Variants in TBX5 observed in about 807,000 individuals in gnomAD.
TBX5 encodes the protein T-box transcription factor 5.
Under a neutral mutation model 51.1 loss-of-function variants are expected in TBX5, and 8 were observed. The ratio of observed to expected loss-of-function variants is 0.16; its 90% confidence interval spans 0.09 to 0.28. The LOEUF (loss-of-function observed/expected upper bound fraction) is 0.28. Ranked by LOEUF, TBX5 falls within the 10% of genes least tolerant of loss-of-function variation. TBX5 has a pLI of 1.00. For missense variants in TBX5, 589 were observed against 671.7 expected (o/e 0.88, Z 1.36); for synonymous variants, 302 against 266.4 (o/e 1.13, Z -1.30).
intron 7 of TBX5, among the ~76,000 whole-genome samples, chr12:114,370,697 C>T (rs1263422360): frequency 6.6e-6 from 1 of 151,842 alleles, no homozygotes; most frequent in Non-Finnish European, 1.5e-5. Context: ...TATATGGCCA[C>T]CATCCTGTGA....
chr12:114,356,636 A>G (rs1868935071), intron 8 of TBX5, among the ~76,000 whole-genome samples: 1 of 152,276 alleles, frequency 6.6e-6, no homozygotes, highest in Admixed American at 6.5e-5. Flanking sequence ...AAAGCAGGAC[A>G]TTTTCTGCCT....
Position 114,355,137 on chromosome 12 carries a change from C to A in TBX5, c.*395G>T. 3.2e-6 allele frequency: 1 copy of A among 317,116 alleles called. No homozygotes were observed. The highest frequency in any genetic ancestry group is 6.2e-6 in the Non-Finnish European group (1 of 160,856). The allele number at this position is 317,116 out of a possible 1,614,324, so 19.6% of individuals were successfully genotyped here. On this transcript the variant is annotated 3_prime_UTR_variant, in exon 9 of 9. Coordinates refer to ENST00000405440, the MANE Select transcript of TBX5 (RefSeq NM_181486.4). Reference sequence around the variant, plus strand: ...TTATATAACAATGTCAACATTAACACCAAGACAGGGACAGACTCCAACTAC... The same window carrying A: ...TTATATAACAATGTCAACATTAACAACAAGACAGGGACAGACTCCAACTAC...
intron 6 of TBX5, among the ~76,000 whole-genome samples, chr12:114,390,726 A>T (rs539757074): frequency 6.6e-6 from 1 of 152,334 alleles, no homozygotes; most frequent in African/African-American, 2.4e-5. Flanking sequence ...GGGGATAGAC[A>T]TTGCTTGCAT....
intron 8 of TBX5, among the ~76,000 whole-genome samples, chr12:114,364,208 A>C (rs1565926787): frequency 6.6e-6 from 1 of 152,232 alleles, no homozygotes; most frequent in Non-Finnish European, 1.5e-5. Context: ...CAAAGCATCC[A>C]TTCCCATTGG....
intron 7 of TBX5, among the ~76,000 whole-genome samples, chr12:114,377,472 C>T (rs915239245): frequency 2.0e-5 from 3 of 152,072 alleles, no homozygotes; most frequent in Non-Finnish European, 4.4e-5. Context: ...CTCACTGCTG[C>T]CTCAAACTCC....
At position 114,403,954 on chromosome 12, in the gene TBX5, G is replaced by T; in HGVS notation, c.-38-18C>A. 1.3e-6 allele frequency: 2 copies of T among 1,592,132 alleles called. No homozygotes were observed. The highest frequency in any genetic ancestry group is 1.3e-5 in the African/African-American group (1 of 74,944). On this transcript the variant is annotated intron_variant, in intron 1 of 8. Coordinates refer to ENST00000405440, the MANE Select transcript of TBX5 (RefSeq NM_181486.4). ...GTTCTGCTCTGAGGACAAGAAGCAGGGGGAGATGGGGGTGGGGAGGACAGA... is the reference window on the plus strand; with the variant it reads ...GTTCTGCTCTGAGGACAAGAAGCAGTGGGAGATGGGGGTGGGGAGGACAGA...
chr12:114,402,975 G>A (rs1871921888), intron 2 of TBX5, among the ~76,000 whole-genome samples: 1 of 152,142 alleles, frequency 6.6e-6, no homozygotes, highest in South Asian at 2.1e-4. Context: ...ATGTGTAAGT[G>A]TCTCTTCTGG....
intron 1 of TBX5, among the ~76,000 whole-genome samples, chr12:114,404,565 C>T (rs1323287979): frequency 6.6e-6 from 1 of 152,132 alleles, no homozygotes; most frequent in Non-Finnish European, 1.5e-5. Context: ...CAGGCCTTAA[C>T]ATTAAAAGTC....
intron 8 of TBX5, among the ~76,000 whole-genome samples, chr12:114,360,126 C>T (rs1038071426): frequency 2.0e-5 from 3 of 152,158 alleles, no homozygotes; most frequent in Non-Finnish European, 4.4e-5. Context: ...GAACCATTGG[C>T]GAGTCTTCCC....
rs146616326 is a variant in TBX5 at position 114,365,888 on chromosome 12, C to T, written c.982+277G>A. On this transcript the variant is annotated intron_variant, in intron 8 of 8. Transcript: ENST00000405440. ...ATAAATCTAGTTCTTTCTCTGCACTCGCCACGTGTATGTGTGCATAAATGA... is the reference window on the plus strand; with the variant it reads ...ATAAATCTAGTTCTTTCTCTGCACTTGCCACGTGTATGTGTGCATAAATGA... Among the ~76,000 whole-genome samples, 10 of 151,648 alleles carry T rather than the reference C, an allele frequency of 6.6e-5. No individual in the cohort carries two copies. In the East Asian group the frequency reaches 1.2e-3, roughly 18 times the overall value.
chr12:114,406,162 T>A, upstream of TBX5: 1 of 315,402 alleles, frequency 3.2e-6, no homozygotes, highest in Non-Finnish European at 4.6e-6. Flanking sequence ...CCTATCCAAC[T>A]AGCTCCCACT....
upstream of TBX5, among the ~76,000 whole-genome samples, chr12:114,407,554 C>G (rs536309226): frequency 1.2e-4 from 18 of 152,182 alleles, no homozygotes; most frequent in Non-Finnish European, 2.6e-4. Flanking sequence ...TCTGGACTCT[C>G]CCAGGTAATA....
intron 7 of TBX5, among the ~76,000 whole-genome samples, chr12:114,382,751 C>T (rs183744537): frequency 1.9e-3 from 283 of 152,226 alleles, no homozygotes; most frequent in Non-Finnish European, 3.2e-3. Context: ...GAGCGGAGAT[C>T]GTGCCACTGC....
At chr12:114,388,319 G>A (rs1199504004) in intron 6 of TBX5, among the ~76,000 whole-genome samples, 2 of 151,946 alleles carry the variant, frequency 1.3e-5, no homozygotes, top group Non-Finnish European at 2.9e-5. Context: ...CACCACGCCT[G>A]AGTAATTTTT....
chr12:114,403,731 C>G (rs1168417022), intron 2 of TBX5, 21 bp downstream of exon 2: 1 of 1,611,420 alleles, frequency 6.2e-7, no homozygotes, highest in Non-Finnish European at 8.5e-7. Context: ...CAAAGGGACC[C>G]GAAGCGCGAG....
chr12:114,375,046 C>T (rs887407796), intron 7 of TBX5, among the ~76,000 whole-genome samples: 4 of 152,070 alleles, frequency 2.6e-5, no homozygotes, highest in South Asian at 2.1e-4. Context: ...CACACGCCTT[C>T]GATTTTTCAT....
chr12:114,384,487 C>T (rs4767240), intron 7 of TBX5, among the ~76,000 whole-genome samples: 5,015 of 152,124 alleles, frequency 0.033, 86 homozygotes, highest in African/African-American at 0.048. Flanking sequence ...AGCCCGCTAT[C>T]TAAAAACAAT....
intron 1 of TBX5, 132 bp downstream of exon 1, chr12:114,405,496 C>T (rs1166274182): frequency 6.1e-6 from 1 of 164,046 alleles, no homozygotes; most frequent in African/African-American, 2.4e-5. Context: ...AGCTCCGAGC[C>T]GCGCAAAATC....
chr12:114,398,764 G>A (rs1401385461), intron 4 of TBX5, 44 bp from the exon 5 acceptor site: 1 of 1,575,624 alleles, frequency 6.3e-7, no homozygotes, highest in South Asian at 1.2e-5. Context: ...TCAGAGTCTG[G>A]AGGTAGCGCA....
Sources: gnomAD v4.1 joint callset for allele counts (sites outside exome capture counted in the v4.1 genomes callset) on GRCh38, gnomAD v4.1.1 for gene constraint, MANE v1.5 for transcripts, NCBI Gene and HGNC (gene_info 2026-07-23, HGNC 2026-07-21) for gene names.